TUSC3: variants seen among roughly 807,000 people sequenced by gnomAD.
The protein encoded by TUSC3 is dolichyl-diphosphooligosaccharide--protein glycosyltransferase subunit TUSC3.
TUSC3 carries 45 observed loss-of-function variants against 44.8 expected under a neutral mutation model. The ratio of observed to expected loss-of-function variants is 1.00; its 90% CI spans 0.79 to 1.29. TUSC3 has a LOEUF of 1.29. Ranked by LOEUF, TUSC3 falls within the 50% of genes most tolerant of loss-of-function variation. The pLI is 0.00. For synonymous variants in TUSC3, 212 were observed against 152.9 expected (o/e 1.39, Z -2.85); for missense variants, 519 against 437.9 (o/e 1.19, Z -1.65).
At chr8:15,789,980 T>C in the TUSC3 span, among the ~76,000 whole-genome samples, 2 of 152,082 alleles carry the variant, frequency 1.3e-5, no homozygotes, top group Non-Finnish European at 2.9e-5. Flanking sequence ...CCAGAGCTGC[T>C]CCTTGCAGAC....
At chr8:15,785,313 T>C in the TUSC3 span, among the ~76,000 whole-genome samples, 1 of 152,318 alleles carries the variant, frequency 6.6e-6, no homozygotes, top group South Asian at 2.1e-4. Flanking sequence ...CTCACCCACA[T>C]ATTGGTACAA....
At chr8:15,607,541 TCTC>T (rs1190116977) in intron 1 of TUSC3, among the ~76,000 whole-genome samples, 4 of 152,154 alleles carry the variant, frequency 2.6e-5, no homozygotes, top group East Asian at 1.9e-4. Flanking sequence ...AAAATTTACT[TCTC>T]CTCTAACATT....
chr8:15,565,366 C>G (rs528953535), intron 1 of TUSC3, among the ~76,000 whole-genome samples: 2 of 152,076 alleles, frequency 1.3e-5, no homozygotes, highest in Admixed American at 6.6e-5. Flanking sequence ...ATTTCAGGAT[C>G]ATTTGTTTAG....
intron 7 of TUSC3, among the ~76,000 whole-genome samples, chr8:15,739,481 AT>A (rs959993587): frequency 2.5e-4 from 38 of 152,168 alleles, no homozygotes; most frequent in African/African-American, 8.7e-4. Context: ...GAGTCTGCAT[AT>A]TTTTTTAACT....
chr8:15,607,241 G>A (rs1005811342), intron 1 of TUSC3, among the ~76,000 whole-genome samples: 5 of 152,008 alleles, frequency 3.3e-5, no homozygotes, highest in Non-Finnish European at 7.4e-5. Context: ...TACTTAATTA[G>A]TTACACAAAT....
chr8:15,730,598 T>C (rs1315925819), intron 6 of TUSC3, 68 bp from the exon 7 acceptor site: 3 of 1,484,088 alleles, frequency 2.0e-6, no homozygotes, highest in African/African-American at 1.4e-5. Flanking sequence ...TTTATCTTCA[T>C]GACTTAAAAC....
At chr8:15,768,680 A>G (rs923420229), downstream of TUSC3, among the ~76,000 whole-genome samples, 4 of 152,224 alleles carry the variant, frequency 2.6e-5, no homozygotes, top group Admixed American at 6.5e-5. Context: ...ATGGTTGTAC[A>G]TTTAGAATAC....
chr8:15,522,303 G>A (rs944564487), intron 2 of TUSC3, among the ~76,000 whole-genome samples: 1 of 151,978 alleles, frequency 6.6e-6, no homozygotes, highest in African/African-American at 2.4e-5. Flanking sequence ...TGCTATCTTG[G>A]CTCACTGCAA....
At chr8:15,632,316 TG>T (rs1805809742) in intron 2 of TUSC3, among the ~76,000 whole-genome samples, 2 of 152,206 alleles carry the variant, frequency 1.3e-5, no homozygotes, top group African/African-American at 4.8e-5. Flanking sequence ...TCCCATGCTC[TG>T]GATTTGTCTG....
At chr8:15,511,258 A>T (rs1394294289) in intron 2 of TUSC3, among the ~76,000 whole-genome samples, 3 of 152,038 alleles carry the variant, frequency 2.0e-5, no homozygotes, top group Non-Finnish European at 4.4e-5. Context: ...GGAGGAAGGG[A>T]AGAAAGGAAG....
At chr8:15,723,200 C>T (rs1262644063) in intron 6 of TUSC3, among the ~76,000 whole-genome samples, 1 of 151,966 alleles carries the variant, frequency 6.6e-6, no homozygotes, top group Non-Finnish European at 1.5e-5. Context: ...TATGCCTGGG[C>T]CAGGTAAGAA....
At chr8:15,718,798 T>G (rs1424499090) in intron 6 of TUSC3, among the ~76,000 whole-genome samples, 1 of 152,104 alleles carries the variant, frequency 6.6e-6, no homozygotes, top group East Asian at 1.9e-4. Context: ...TACTCAAATA[T>G]GTGTTTACTG....
chr8:15,571,056 A>G (rs1802857979), intron 1 of TUSC3, among the ~76,000 whole-genome samples: 1 of 145,206 alleles, frequency 6.9e-6, no homozygotes, highest in South Asian at 2.2e-4. Flanking sequence ...TCCTAGGTTC[A>G]AGGGATTCTC....
At chr8:15,583,029 A>G (rs901420088) in intron 1 of TUSC3, among the ~76,000 whole-genome samples, 2 of 152,212 alleles carry the variant, frequency 1.3e-5, no homozygotes, top group Non-Finnish European at 2.9e-5. Flanking sequence ...ATGTAAAGAT[A>G]CATGTAGCTA....
At chr8:15,493,541 G>A (rs1267300869) in intron 2 of TUSC3, among the ~76,000 whole-genome samples, 1 of 152,184 alleles carries the variant, frequency 6.6e-6, no homozygotes, top group Non-Finnish European at 1.5e-5. Flanking sequence ...GGGATTACAG[G>A]TGTGAGCTAC....
intron 6 of TUSC3, among the ~76,000 whole-genome samples, chr8:15,722,308 A>G (rs1810333036): frequency 6.6e-6 from 1 of 151,606 alleles, no homozygotes; most frequent in Non-Finnish European, 1.5e-5. Flanking sequence ...TGACAGGGTA[A>G]TAAAGGTAAA....
At chr8:15,546,558 A>G (rs1167881246) in intron 1 of TUSC3, among the ~76,000 whole-genome samples, 1 of 151,698 alleles carries the variant, frequency 6.6e-6, no homozygotes, top group Non-Finnish European at 1.5e-5. Flanking sequence ...TTTGGGAGAC[A>G]GAGTTTTGCT....
chr8:15,722,840 A>AAC (rs397763645), intron 6 of TUSC3, among the ~76,000 whole-genome samples: 4 of 151,448 alleles, frequency 2.6e-5, no homozygotes, highest in Non-Finnish European at 5.9e-5. Flanking sequence ...ATAAAAAAAA[A>AAC]CCCTTCTTAC....
At position 15,678,626 on chromosome 8, in the gene TUSC3, T is replaced by C. The variant is rs1222449774; in HGVS notation, c.798+4790T>C. ...ATCTATCTCTATAGGAAATTTTGTC[T>C]TTATTTCACATTTTAACAAGTCTTT... On this transcript the variant is annotated intron_variant, in intron 6 of 10. Transcript: ENST00000503731. Among the ~76,000 whole-genome samples the C allele has an allele frequency of 2.6e-5, 4 of 152,240 alleles. No homozygotes were observed. The East Asian group carries it at 7.7e-4, about 29-fold the overall frequency.
Sources: gnomAD v4.1 joint callset for allele counts (sites outside exome capture counted in the v4.1 genomes callset) on GRCh38, gnomAD v4.1.1 for gene constraint, MANE v1.5 for transcripts, NCBI Gene and HGNC (gene_info 2026-07-23, HGNC 2026-07-21) for gene names.